COL24A1: variants seen among roughly 807,000 people sequenced by gnomAD.
The protein encoded by COL24A1 is collagen type XXIV alpha 1 chain, also known as collagen alpha-1(XXIV) chain.
Under a neutral mutation model 253.9 loss-of-function variants are expected in COL24A1, and 224 were observed. That is an observed-to-expected ratio of 0.88 (90% CI 0.79 to 0.99). The LOEUF (loss-of-function observed/expected upper bound fraction) is 0.99. Among genes scored for constraint, COL24A1 ranks in the 50% least tolerant of loss-of-function variants. The pLI is 0.00. For missense variants in COL24A1, 2,131 were observed against 2,068.5 expected, an observed-to-expected ratio of 1.03 and a Z score of -0.59; for synonymous variants, 685 against 673.7, an observed-to-expected ratio of 1.02 and a Z score of -0.26.
At chr1:85,934,012 T>A (rs1688042265) in intron 24 of COL24A1, among the ~76,000 whole-genome samples, 1 of 152,180 alleles carries the variant, frequency 6.6e-6, no homozygotes, top group Non-Finnish European at 1.5e-5. Context: ...TGGCTGAGGA[T>A]CTTTCATGAA....
intron 3 of COL24A1, among the ~76,000 whole-genome samples, chr1:86,124,597 C>T (rs1398790483): frequency 6.6e-6 from 1 of 151,908 alleles, no homozygotes; most frequent in Non-Finnish European, 1.5e-5. Context: ...CCCACTACTT[C>T]ACCAGAATTA....
At chr1:85,806,102 T>C (rs1481101549) in intron 47 of COL24A1, among the ~76,000 whole-genome samples, 2 of 149,864 alleles carry the variant, frequency 1.3e-5, no homozygotes, top group Non-Finnish European at 3.0e-5. Flanking sequence ...AAGAAAATGA[T>C]AGAAATATAT....
intron 19 of COL24A1, among the ~76,000 whole-genome samples, chr1:86,010,573 T>A (rs985847845): frequency 1.3e-5 from 2 of 152,152 alleles, no homozygotes; most frequent in African/African-American, 4.8e-5. Flanking sequence ...TCTTTCGACA[T>A]AGCAATCCAA....
intron 43 of COL24A1, among the ~76,000 whole-genome samples, chr1:85,823,982 G>A (rs1453416512): frequency 6.6e-6 from 1 of 151,958 alleles, no homozygotes; most frequent in Non-Finnish European, 1.5e-5. Context: ...AATGTAGCAG[G>A]CTGAATGGTG....
chr1:85,782,935 G>A lies in COL24A1; in HGVS notation c.4284+561C>T, dbSNP rs1669288295. On this transcript the variant is annotated intron_variant, in intron 51 of 59. Coordinates refer to ENST00000370571, the MANE Select transcript of COL24A1 (RefSeq NM_152890.7). Reference sequence around the variant, plus strand: ...CTAAAAACAATAATCAGTAAGCACTGGTGGCTTATTTGTCCTATTTATATT... The same window carrying A: ...CTAAAAACAATAATCAGTAAGCACTAGTGGCTTATTTGTCCTATTTATATT... Among the ~76,000 whole-genome samples, 10 of 152,074 alleles carry A rather than the reference G, an allele frequency of 6.6e-5. No individual in the cohort carries two copies. The South Asian group carries it at 2.1e-3, about 31-fold the overall frequency.
At chr1:86,090,224 T>C (rs1002789357) in intron 6 of COL24A1, among the ~76,000 whole-genome samples, 4 of 152,226 alleles carry the variant, frequency 2.6e-5, no homozygotes, top group African/African-American at 9.6e-5. Flanking sequence ...AACTAGAGGC[T>C]GGTCCTCTTC....
At position 86,064,203 on chromosome 1, in the gene COL24A1, T is replaced by C. The variant is rs1275815140; in HGVS notation, c.1708-444A>G. The stretch of plus-strand genomic sequence containing the variant: ...GAAAAACTGGATCATATCCAGGCAG[T>C]TCCTCTAACCCAAATCATTGTCATA... On this transcript the variant is annotated intron_variant, in intron 7 of 59. Coordinates refer to ENST00000370571, the MANE Select transcript of COL24A1 (RefSeq NM_152890.7). Among the ~76,000 whole-genome samples, 4 of 152,230 alleles carry C rather than the reference T, an allele frequency of 2.6e-5. No individual in the cohort carries two copies. In the East Asian group the frequency reaches 5.8e-4, roughly 22 times the overall value.
chr1:86,028,913 T>C (rs1364516409), intron 14 of COL24A1, among the ~76,000 whole-genome samples: 2 of 152,190 alleles, frequency 1.3e-5, no homozygotes, highest in Non-Finnish European at 2.9e-5. Context: ...ATACAAATAG[T>C]ATGTCATGGA....
chr1:86,068,673 C>T (rs534188784), intron 7 of COL24A1, among the ~76,000 whole-genome samples: 151 of 152,230 alleles, frequency 9.9e-4, no homozygotes, highest in Middle Eastern at 3.4e-3. Context: ...CATTCCTTCC[C>T]TAAGCCCAGG....
chr1:85,833,352 A>G (rs1461789614), intron 43 of COL24A1, among the ~76,000 whole-genome samples: 1 of 152,216 alleles, frequency 6.6e-6, no homozygotes, highest in East Asian at 1.9e-4. Context: ...GCAGCCAAAA[A>G]ACACATGACA....
At chr1:86,006,564 G>T (rs1263691195) in intron 19 of COL24A1, among the ~76,000 whole-genome samples, 2 of 152,124 alleles carry the variant, frequency 1.3e-5, no homozygotes, top group Non-Finnish European at 2.9e-5. Flanking sequence ...AATCCTAGCA[G>T]ATAATACAGG....
At chr1:85,994,706 A>C (rs1479168708) in intron 19 of COL24A1, among the ~76,000 whole-genome samples, 1 of 152,218 alleles carries the variant, frequency 6.6e-6, no homozygotes, top group Non-Finnish European at 1.5e-5. Flanking sequence ...AAATTTCAAA[A>C]GGCAAATGTA....
chr1:85,827,111 A>C (rs1674464158), intron 43 of COL24A1, among the ~76,000 whole-genome samples: 1 of 152,140 alleles, frequency 6.6e-6, no homozygotes, highest in Non-Finnish European at 1.5e-5. Flanking sequence ...TCAATACCTA[A>C]TTAATGGAGA....
rs765957517 is a variant in COL24A1 at position 85,784,113 on chromosome 1, T to C, written c.4221A>G (p.Lys1407=). The stretch of plus-strand genomic sequence containing the variant: ...ACTAGAAGAAAGTATGTAAACATAC[T>C]TTAGGGCCTGGGAATCCTTGGAAAC... ...LTGFQGFPGP[K]GPEGDAGIVG... Residue 1407 remains lysine (K), a splice_region_variant and synonymous_variant, in exon 50 of 60, where the codon AAA becomes AAG. Coordinates refer to ENST00000370571, the MANE Select transcript of COL24A1 (RefSeq NM_152890.7). 1 of 1,611,648 alleles carries C rather than the reference T, an allele frequency of 6.2e-7. No individual in the cohort carries two copies. Among genetic ancestry groups the C allele is most frequent in the South Asian group, 1.1e-5 (1 of 90,982 alleles).
At chr1:85,946,896 C>T (rs1252952317) in intron 24 of COL24A1, among the ~76,000 whole-genome samples, 2 of 152,162 alleles carry the variant, frequency 1.3e-5, no homozygotes, top group African/African-American at 4.8e-5. Context: ...TCTATATATA[C>T]ACCGACTAGC....
At chr1:86,002,917 T>C (rs140066080) in intron 19 of COL24A1, among the ~76,000 whole-genome samples, 2,621 of 152,296 alleles carry the variant, frequency 0.017, 31 homozygotes, top group Middle Eastern at 0.068. Context: ...CTCTAGCCCA[T>C]ATACCAGGTG....
rs755660305 is a variant in COL24A1 at position 86,124,826 on chromosome 1, T to TAA, written c.1491+17_1491+18dup. The TAA allele has an allele frequency of 1.7e-3, 2,225 of 1,274,226 alleles. No homozygotes were observed. Among genetic ancestry groups the TAA allele is most frequent in the South Asian group, 3.0e-3 (182 of 61,598 alleles). 78.9% of individuals were successfully genotyped at this position (1,274,226 alleles called of 1,614,324 possible). On this transcript the variant is annotated intron_variant, in intron 3 of 59. Coordinates refer to ENST00000370571, the MANE Select transcript of COL24A1 (RefSeq NM_152890.7). The stretch of plus-strand genomic sequence containing the variant: ...TGTAAGTTAGCATATTAGGAGATAT[T>TAA]AAAAAAAAAAAAACTTACGGGAGGT...
At chr1:86,010,108 A>G (rs1395028593) in intron 19 of COL24A1, among the ~76,000 whole-genome samples, 7 of 152,198 alleles carry the variant, frequency 4.6e-5, no homozygotes, top group African/African-American at 1.7e-4. Flanking sequence ...AAAGGAAACT[A>G]GTCAAGAATC....
At position 86,155,301 on chromosome 1, in the gene COL24A1, G is replaced by T. The variant is rs184613754; in HGVS notation, c.56+1040C>A. The T allele has an allele frequency of 5.8e-3, 883 of 152,460 alleles. 9 individuals are homozygous for T. The highest frequency in any genetic ancestry group is 0.019 in the African/African-American group (807 of 41,488). 9.4% of individuals were successfully genotyped at this position (152,460 alleles called of 1,614,324 possible). A position where few individuals can be genotyped will look rare whatever the true frequency, so the allele number is the denominator to read the frequency against. ...GGGAAGCACATGTTCATACAAACAC[G>T]ACCACAAGGCGCTCTTTCTCCGCAC... On this transcript the variant is annotated intron_variant, in intron 1 of 59. Transcript: ENST00000370571.
Sources: gnomAD v4.1 joint callset for allele counts (sites outside exome capture counted in the v4.1 genomes callset) on GRCh38, gnomAD v4.1.1 for gene constraint, MANE v1.5 for transcripts, NCBI Gene and HGNC (gene_info 2026-07-23, HGNC 2026-07-21) for gene names.